The following TRIO variants were observed in gnomAD, a reference collection of about 807,000 sequenced individuals.
TRIO encodes triple functional domain protein.
A neutral mutation model predicts 351.9 loss-of-function variants in TRIO; 58 were observed. That is an observed-to-expected ratio of 0.16 (90% CI 0.13 to 0.21). The LOEUF is 0.21. Among genes scored for constraint, TRIO ranks in the 10% least tolerant of loss-of-function variants. The pLI is 1.00. For missense variants in TRIO, 3,201 were observed against 4,027.8 expected (o/e 0.79, Z 5.56); for synonymous variants, 1,758 against 1,595.7 (o/e 1.10, Z -2.42).
At chr5:14,278,756 C>T (rs73751324) in intron 2 of TRIO, among the ~76,000 whole-genome samples, 4,648 of 152,230 alleles carry the variant, frequency 0.031, 256 homozygotes, top group African/African-American at 0.11. Flanking sequence ...TTCAGAAGAT[C>T]AGTTGATAAT....
At chr5:14,217,210 A>G (rs1311140354) in intron 1 of TRIO, among the ~76,000 whole-genome samples, 6 of 152,194 alleles carry the variant, frequency 3.9e-5, no homozygotes, top group Admixed American at 2.6e-4. Flanking sequence ...AACAGAACCT[A>G]CAGTGTCCTG....
chr5:14,475,779 CAG>C (rs1448637896), intron 40 of TRIO, among the ~76,000 whole-genome samples: 1 of 152,206 alleles, frequency 6.6e-6, no homozygotes, highest in Admixed American at 6.5e-5. Context: ...GAAAATGACA[CAG>C]TGTTTCTGGG....
At chr5:14,145,757 C>T (rs1312556581) in intron 1 of TRIO, among the ~76,000 whole-genome samples, 1 of 152,292 alleles carries the variant, frequency 6.6e-6, no homozygotes, top group African/African-American at 2.4e-5. Context: ...ACAAAAATCA[C>T]TTCTGCTGCT....
intron 1 of TRIO, among the ~76,000 whole-genome samples, chr5:14,217,068 T>C: frequency 6.6e-6 from 1 of 152,148 alleles, no homozygotes; most frequent in East Asian, 1.9e-4. Flanking sequence ...GATCATGCAT[T>C]CCTCCTCCAG....
chr5:14,250,549 C>T (rs140132755), intron 1 of TRIO, among the ~76,000 whole-genome samples: 34 of 152,260 alleles, frequency 2.2e-4, no homozygotes, highest in Admixed American at 5.9e-4. Context: ...CATTAGTAAC[C>T]GCTTGCCTAT....
chr5:14,470,594 C>G (rs1405678738), intron 37 of TRIO, among the ~76,000 whole-genome samples: 2 of 152,202 alleles, frequency 1.3e-5, no homozygotes, highest in Non-Finnish European at 2.9e-5. Flanking sequence ...TACAGATTTG[C>G]TGAACACTTG....
At chr5:14,272,901 C>T (rs1796058860) in intron 2 of TRIO, among the ~76,000 whole-genome samples, 1 of 152,090 alleles carries the variant, frequency 6.6e-6, no homozygotes, top group African/African-American at 2.4e-5. Context: ...AATGAGTAAA[C>T]TTTACAAAAT....
In TRIO at chr5:14,508,127, C is replaced by G; in HGVS notation, c.8999C>G (p.Thr3000Ser). The change falls in exon 57 of 57, where the codon ACC becomes AGC. Residue 3000 changes from threonine (T) to serine (S), a missense_variant. Around this residue, in one of 19 missense-constraint regions of TRIO, gnomAD observed 233 missense variants for 292.6 expected, o/e 0.80. Coordinates refer to ENST00000344204, the MANE Select transcript of TRIO (RefSeq NM_007118.4). ...TTCCTGGATGACAGTGTGGAAGAGA[C>G]CTGCCTGAACATTTGCCGCTTAGAC... ...SPFLDDSVEE[T>S]CLNICRLDFS... 1 of 1,614,206 alleles carries G rather than the reference C, an allele frequency of 6.2e-7. No individual in the cohort carries two copies. Among genetic ancestry groups the G allele is most frequent in the Non-Finnish European group, 8.5e-7 (1 of 1,180,048 alleles).
intron 1 of TRIO, among the ~76,000 whole-genome samples, chr5:14,218,985 A>G (rs1792409176): frequency 1.3e-5 from 2 of 152,322 alleles, no homozygotes; most frequent in South Asian, 4.1e-4. Context: ...TTTAGTTTAC[A>G]AGATTTAGGA....
At chr5:14,473,032 C>T (rs1754797951) in intron 39 of TRIO, among the ~76,000 whole-genome samples, 2 of 152,258 alleles carry the variant, frequency 1.3e-5, no homozygotes, top group Admixed American at 6.5e-5. Context: ...TTGAAAAAGT[C>T]AGTGTGGCCC....
chr5:14,298,226 A>G (rs1249809030), intron 7 of TRIO, among the ~76,000 whole-genome samples: 2 of 152,226 alleles, frequency 1.3e-5, no homozygotes, highest in Admixed American at 6.5e-5. Context: ...TATGCCCCCA[A>G]CACTCCCCAT....
chr5:14,453,054 C>T (rs965862334), intron 34 of TRIO, among the ~76,000 whole-genome samples: 1 of 152,114 alleles, frequency 6.6e-6, no homozygotes, highest in Non-Finnish European at 1.5e-5. Context: ...TCTGCTTTCT[C>T]TTCTTTCTTT....
At chr5:14,507,446 C>T (rs1579865627) in intron 56 of TRIO, among the ~76,000 whole-genome samples, 186 bp downstream of exon 56, 2 of 152,176 alleles carry the variant, frequency 1.3e-5, no homozygotes, top group South Asian at 4.1e-4. Context: ...GTGATGCACA[C>T]GGTCAGGAGC....
At chr5:14,335,128 A>G (rs1383456263) in intron 10 of TRIO, among the ~76,000 whole-genome samples, 1 of 152,126 alleles carries the variant, frequency 6.6e-6, no homozygotes, top group African/African-American at 2.4e-5. Context: ...CCAAGAGTTC[A>G]CTCAAGTTTT....
chr5:14,446,209 TTCCTCA>T (rs2126390380), intron 34 of TRIO, among the ~76,000 whole-genome samples: 1 of 147,692 alleles, frequency 6.8e-6, no homozygotes, highest in Admixed American at 6.8e-5. Context: ...CAGGGAAGAG[TTCCTCA>T]CAGGAAGACT....
At chr5:14,374,454 C>A in intron 19 of TRIO, 111 bp downstream of exon 19, 1 of 664,646 alleles carries the variant, frequency 1.5e-6, no homozygotes, top group Non-Finnish European at 2.4e-6. Flanking sequence ...TTTTAAATGT[C>A]CGTTTCATGT....
intron 36 of TRIO, among the ~76,000 whole-genome samples, chr5:14,465,298 T>C (rs1754165686): frequency 6.6e-6 from 1 of 152,240 alleles, no homozygotes; most frequent in East Asian, 1.9e-4. Flanking sequence ...GTTACATGAC[T>C]GCGATTCAAA....
intron 34 of TRIO, among the ~76,000 whole-genome samples, chr5:14,449,741 G>A (rs145631736): frequency 6.6e-6 from 1 of 152,116 alleles, no homozygotes; most frequent in Admixed American, 6.5e-5. Context: ...TGTTATCCAC[G>A]ATCAGTAATT....
intron 11 of TRIO, among the ~76,000 whole-genome samples, chr5:14,346,280 C>A (rs968720828): frequency 6.6e-6 from 1 of 152,220 alleles, no homozygotes; most frequent in Non-Finnish European, 1.5e-5. Context: ...CCCATCATCT[C>A]TCACTTTGGT....
Sources: gnomAD v4.1 joint callset for allele counts (sites outside exome capture counted in the v4.1 genomes callset) on GRCh38, gnomAD v4.1.1 for gene constraint, gnomAD v4.1.1 regional missense constraint, MANE v1.5 for transcripts, NCBI Gene and HGNC (gene_info 2026-07-23, HGNC 2026-07-21) for gene names.